Variants in STAU1 observed in about 807,000 individuals in gnomAD.
STAU1 encodes double-stranded RNA-binding protein Staufen homolog 1.
Under a neutral mutation model 62.9 loss-of-function variants are expected in STAU1, and 13 were observed. That is an observed-to-expected ratio of 0.21 (90% CI 0.13 to 0.33). STAU1 has a LOEUF of 0.33. STAU1 is among the 10% of genes least tolerant of loss of function. The pLI is 1.00. For synonymous variants in STAU1, 269 were observed against 265.1 expected (o/e 1.01, Z -0.14); for missense variants, 571 against 712.1 (o/e 0.80, Z 2.25).
chr20:49,193,441 T>A, the STAU1 span, among the ~76,000 whole-genome samples: 1 of 151,260 alleles, frequency 6.6e-6, no homozygotes, highest in Non-Finnish European at 1.5e-5. Flanking sequence ...GGGAGGCCAA[T>A]GCCAGGGGAT....
intron 5 of STAU1, among the ~76,000 whole-genome samples, chr20:49,140,587 G>A (rs1255138822): frequency 6.6e-6 from 1 of 152,000 alleles, no homozygotes; most frequent in South Asian, 2.1e-4. Flanking sequence ...GAAGTGCCTA[G>A]GCTAGGCAAA....
intron 5 of STAU1, among the ~76,000 whole-genome samples, chr20:49,149,800 A>G (rs78816099): frequency 0.011 from 1,670 of 152,148 alleles, 24 homozygotes; most frequent in African/African-American, 0.037. Flanking sequence ...AGAAAAACAA[A>G]TCGCTCCTGT....
intron 2 of STAU1, among the ~76,000 whole-genome samples, chr20:49,168,786 G>A (rs1039500179): frequency 1.3e-5 from 2 of 152,132 alleles, no homozygotes; most frequent in Non-Finnish European, 2.9e-5. Context: ...TGTGCAGAAT[G>A]GGGAACCTAC....
chr20:49,151,511 T>C (rs754375968), intron 5 of STAU1, 71 bp downstream of exon 5: 5 of 1,387,868 alleles, frequency 3.6e-6, no homozygotes, highest in South Asian at 1.8e-5. Context: ...GAAAAGATAA[T>C]GTGCGGTGAC....
chr20:49,170,339 T>A (rs1035979135), intron 2 of STAU1, among the ~76,000 whole-genome samples: 4 of 152,238 alleles, frequency 2.6e-5, no homozygotes, highest in African/African-American at 7.2e-5. Context: ...TATGAAATAC[T>A]TAAGCAATTA....
At chr20:49,197,637 C>T in the STAU1 span, among the ~76,000 whole-genome samples, 5 of 151,732 alleles carry the variant, frequency 3.3e-5, no homozygotes, top group African/African-American at 4.8e-5. Flanking sequence ...CCCGACCTCA[C>T]GTGATCCAAC....
chr20:49,115,974 G>A (rs1301927561), intron 12 of STAU1, 107 bp from the exon 13 acceptor site: 2 of 827,818 alleles, frequency 2.4e-6, no homozygotes, highest in Non-Finnish European at 3.9e-6. Context: ...CAAACAGGTG[G>A]CAACTTCTTC....
intron 6 of STAU1, among the ~76,000 whole-genome samples, chr20:49,129,168 G>C (rs2092696507): frequency 6.7e-6 from 1 of 149,980 alleles, no homozygotes; most frequent in African/African-American, 2.5e-5. Flanking sequence ...AAAGAAAATA[G>C]TAAAATAAAA....
intron 5 of STAU1, among the ~76,000 whole-genome samples, chr20:49,137,257 C>CA (rs1300622981): frequency 1.1e-4 from 16 of 152,068 alleles, no homozygotes; most frequent in Admixed American, 9.8e-4. Context: ...CGGCTGTTGG[C>CA]AAAAAAATAC....
At chr20:49,118,175 T>C (rs958910078) in intron 10 of STAU1, 79 bp from the exon 11 acceptor site, 39 of 1,472,164 alleles carry the variant, frequency 2.6e-5, no homozygotes, top group Middle Eastern at 1.7e-4. Context: ...AACCCCACGC[T>C]GGCCCTCCCC....
chr20:49,206,366 A>G, the STAU1 span, among the ~76,000 whole-genome samples: 2 of 149,280 alleles, frequency 1.3e-5, no homozygotes, highest in South Asian at 4.2e-4. Context: ...GAAGCTTATC[A>G]TGAAAAACAA....
At chr20:49,162,757 CAG>C (rs1276462220) in intron 3 of STAU1, among the ~76,000 whole-genome samples, 4 of 137,584 alleles carry the variant, frequency 2.9e-5, no homozygotes, top group Non-Finnish European at 4.6e-5. Context: ...GCCTGGGCGA[CAG>C]AGCGAGACTC....
chr20:49,210,291 C>T, the STAU1 span, among the ~76,000 whole-genome samples: 9 of 152,264 alleles, frequency 5.9e-5, no homozygotes, highest in African/African-American at 2.2e-4. Context: ...CACTACATAT[C>T]TGGAAATGTC....
chr20:49,174,744 T>C (rs1276353685), intron 1 of STAU1, among the ~76,000 whole-genome samples: 2 of 152,176 alleles, frequency 1.3e-5, no homozygotes, highest in Non-Finnish European at 2.9e-5. Context: ...GAGACCATCC[T>C]GGCTAACACG....
At chr20:49,135,338 G>T (rs1291305640) in intron 6 of STAU1, among the ~76,000 whole-genome samples, 1 of 152,184 alleles carries the variant, frequency 6.6e-6, no homozygotes, top group African/African-American at 2.4e-5. Flanking sequence ...TTCCCACTTT[G>T]ATCAGACAAT....
Position 49,124,564 on chromosome 20 carries a change from G to A in STAU1, c.633C>T (p.Pro211=), listed in dbSNP as rs1401805175. 6.2e-7 allele frequency: 1 copy of A among 1,613,792 alleles called. No homozygotes were observed. Among genetic ancestry groups the A allele is most frequent in the African/African-American group, 1.3e-5 (1 of 74,878 alleles). The change falls in exon 7 of 14, where the codon CCC becomes CCT. Residue 211 remains proline (P), a synonymous_variant. Coordinates refer to ENST00000371856, the MANE Select transcript of STAU1 (RefSeq NM_017453.4). ...NFEVARESGP[P]HMKNFVTKVS... ...CCTTGGTCACAAAGTTCTTCATGTG[G>A]GGTGGGCCACTCTCCCGGGCCACCT...
At chr20:49,118,254 T>G (rs2145828065) in intron 10 of STAU1, 79 bp downstream of exon 10, 3 of 1,433,388 alleles carry the variant, frequency 2.1e-6, no homozygotes, top group Non-Finnish European at 2.9e-6. Context: ...CCTCACTGGC[T>G]GGGCTCCTGC....
At chr20:49,167,423 G>A (rs1467492456) in intron 2 of STAU1, among the ~76,000 whole-genome samples, 1 of 152,196 alleles carries the variant, frequency 6.6e-6, no homozygotes, top group African/African-American at 2.4e-5. Flanking sequence ...TACTTGAGGA[G>A]TCCTAACACA....
At position 49,117,130 on chromosome 20, in the gene STAU1, T is replaced by C. The variant is rs750326173; in HGVS notation, c.1628A>G (p.Asp543Gly). Residue 543 changes from aspartate (D) to glycine (G), a missense_variant, in exon 12 of 14, where the codon GAT (aspartate) becomes GGT (glycine). Physicochemically the swap from Asp to Gly is moderately conservative, Grantham distance 94. Coordinates refer to ENST00000371856, the MANE Select transcript of STAU1 (RefSeq NM_017453.4). The surrounding 1 kb of genome is among the most constrained non-coding windows in gnomAD (Gnocchi z 4.6). ...GIGKDVESCH[D>G]MAALNILKLL... ...CTCACCCAAGGTGTGACGTACCATA[T>C]CATGGCAGGACTCCACATCCTTGCC... 2 of 1,614,110 alleles carry C rather than the reference T, an allele frequency of 1.2e-6. No homozygotes were observed. Among genetic ancestry groups the C allele is most frequent in the Non-Finnish European group, 8.5e-7 (1 of 1,180,006 alleles).
Sources: allele counts gnomAD v4.1 joint callset (sites outside exome capture counted in the v4.1 genomes callset), GRCh38; gene constraint gnomAD v4.1.1; non-coding constraint Gnocchi (gnomAD v3.1); transcripts MANE v1.5; gene names NCBI Gene and HGNC (gene_info 2026-07-23, HGNC 2026-07-21).